The following VWA5A variants were observed in gnomAD, a reference collection of about 807,000 sequenced individuals.
VWA5A encodes von Willebrand factor A domain containing 5A.
In VWA5A, 77 loss-of-function variants were observed where a neutral mutation model predicts 84.6. The observed-to-expected ratio is 0.91, with a 90% CI of 0.76 to 1.10. VWA5A has a LOEUF of 1.10. Among genes scored for constraint, VWA5A ranks in the 50% least tolerant of loss-of-function variants. The pLI is 0.00. For missense variants in VWA5A, 973 were observed against 963.0 expected (o/e 1.01, Z -0.14); for synonymous variants, 334 against 350.1 (o/e 0.95, Z 0.51).
At chr11:124,119,114 C>A in intron 7 of VWA5A, 25 bp downstream of exon 7, 1 of 1,593,954 alleles carries the variant, frequency 6.3e-7, no homozygotes, top group Non-Finnish European at 8.6e-7. Flanking sequence ...CCTTTGTAGT[C>A]ATCCCCTAAG....
At chr11:124,142,352 G>T in intron 16 of VWA5A, 90 bp from the exon 17 acceptor site, 1 of 1,521,468 alleles carries the variant, frequency 6.6e-7, no homozygotes, top group Non-Finnish European at 8.9e-7. Context: ...GCTATGGCCT[G>T]TCTCTGAATT....
rs1860627493 is a variant in VWA5A at position 124,137,274 on chromosome 11, G to T, written c.1879+6G>T. ...GAAGATAAAATGCCAATCAGGTAAT[G>T]AGTTTTATTCCATTCAAACTCATAT... On this transcript the variant is annotated splice_donor_region_variant and intron_variant, in intron 15 of 18. Transcript: ENST00000456829. 3 of 1,613,768 alleles carry T rather than the reference G, an allele frequency of 1.9e-6. No homozygotes were observed. Among genetic ancestry groups the T allele is most frequent in the African/African-American group, 1.3e-5 (1 of 74,974 alleles).
chr11:124,136,476 T>G, intron 13 of VWA5A, 98 bp from the exon 14 acceptor site: 1 of 1,432,764 alleles, frequency 7.0e-7, no homozygotes, highest in Non-Finnish European at 9.7e-7. Context: ...ATCAGATATT[T>G]TCATACATTG....
intron 11 of VWA5A, among the ~76,000 whole-genome samples, chr11:124,134,014 A>T (rs1171742888): frequency 4.6e-5 from 7 of 152,194 alleles, no homozygotes; most frequent in Non-Finnish European, 8.8e-5. Context: ...ACACCCAGCC[A>T]ATATTGTTTA....
intron 10 of VWA5A, 113 bp downstream of exon 10, chr11:124,123,917 C>T (rs1864975942): frequency 7.3e-7 from 1 of 1,364,334 alleles, no homozygotes; most frequent in South Asian, 1.6e-5. Context: ...TCACAGTCTT[C>T]TATCATATAG....
rs544992962 is a variant in VWA5A, at chr11:124,136,173, T to C, written c.1404T>C (p.Asp468=). Residue 468 remains aspartate (D), a synonymous_variant, in exon 13 of 19, where the codon GAT becomes GAC. Transcript: ENST00000456829. ...GCTCTCTGCAGCCTGTGGTAGAGGA[T>C]GTCTCTCTGAGCTGGCATTTGCCTC... ...LKRSLQPVVE[D]VSLSWHLPPG... is the part of the protein sequence containing the mutation. 9 of 1,614,218 alleles carry C rather than the reference T, an allele frequency of 5.6e-6. No individual in the cohort carries two copies. In the African/African-American group the frequency reaches 1.1e-4, roughly 19 times the overall value.
In VWA5A at chr11:124,136,158, G is replaced by T; in HGVS notation, c.1389G>T (p.Gln463His). The T allele has an allele frequency of 6.2e-7, 1 of 1,614,154 alleles. No individual in the cohort carries two copies. The highest frequency in any genetic ancestry group is 1.1e-5 in the South Asian group (1 of 91,084). ...TCAGGACTCTGAAACGCTCTCTGCA[G>T]CCTGTGGTAGAGGATGTCTCTCTGA... ...KALRTLKRSL[Q>H]PVVEDVSLSW... The change falls in exon 13 of 19, where the codon CAG becomes CAT. Residue 463 changes from glutamine to histidine, a missense_variant. Transcript: ENST00000456829.
intron 11 of VWA5A, 113 bp downstream of exon 11, chr11:124,124,429 A>G: frequency 7.0e-7 from 1 of 1,430,746 alleles, no homozygotes; most frequent in Middle Eastern, 1.8e-4. Context: ...TGATTTCAGA[A>G]TTTAGTTTTA....
At chr11:124,124,427 G>A (rs1183706616) in intron 11 of VWA5A, 111 bp downstream of exon 11, 7 of 1,431,794 alleles carry the variant, frequency 4.9e-6, no homozygotes, top group Non-Finnish European at 6.4e-6. Flanking sequence ...AATGATTTCA[G>A]AATTTAGTTT....
At chr11:124,123,585 T>C in intron 9 of VWA5A, 75 bp from the exon 10 acceptor site, 1 of 1,611,054 alleles carries the variant, frequency 6.2e-7, no homozygotes, top group Non-Finnish European at 8.5e-7. Flanking sequence ...TTAATGGGGG[T>C]TTCTCAATTC....
intron 12 of VWA5A, 44 bp downstream of exon 12, chr11:124,135,078 G>C (rs749586114): frequency 1.3e-6 from 2 of 1,548,644 alleles, no homozygotes; most frequent in South Asian, 2.4e-5. Flanking sequence ...TGGCAATCCA[G>C]ACCAAAGTGG....
intron 10 of VWA5A, 72 bp from the exon 11 acceptor site, chr11:124,124,165 T>C: frequency 6.8e-7 from 1 of 1,478,678 alleles, no homozygotes; most frequent in Non-Finnish European, 9.3e-7. Context: ...AGGTGGATTT[T>C]TCAAGGGCAA....
At chr11:124,142,765 T>C (rs1388682064) in intron 17 of VWA5A, among the ~76,000 whole-genome samples, 193 bp downstream of exon 17, 1 of 152,162 alleles carries the variant, frequency 6.6e-6, no homozygotes, top group African/African-American at 2.4e-5. Flanking sequence ...ATGGGGAAGC[T>C]AGTAGGAATT....
intron 12 of VWA5A, among the ~76,000 whole-genome samples, chr11:124,135,522 CT>C (rs60188800): frequency 5.0e-4 from 42 of 84,340 alleles, no homozygotes; most frequent in East Asian, 1.0e-3. Context: ...GGTGGTATTT[CT>C]TTTTTTTTTT....
chr11:124,123,941 A>G (rs1012458064), intron 10 of VWA5A, 137 bp downstream of exon 10: 5 of 1,275,430 alleles, frequency 3.9e-6, no homozygotes, highest in Non-Finnish European at 2.1e-6. Flanking sequence ...ACAGAAAAAA[A>G]AAAGATGATG....
chr11:124,123,896 T>C lies in VWA5A; in HGVS notation c.1164+92T>C, dbSNP rs763953873. 1,497 of 1,455,324 alleles carry C rather than the reference T, an allele frequency of 1.0e-3. 21 individuals carry two copies. The highest frequency in any genetic ancestry group is 3.1e-4 in the Admixed American group (11 of 35,588). 90.2% of individuals were successfully genotyped at this position (1,455,324 alleles called of 1,614,324 possible). A position where few individuals can be genotyped will look rare whatever the true frequency, so the allele number is the denominator to read the frequency against. ...GAGCTTCATGCAGTATGTTGAAATA[T>C]AGTTTGCAATTCACAGTCTTCTATC... On this transcript the variant is annotated intron_variant, in intron 10 of 18. Coordinates refer to ENST00000456829, the MANE Select transcript of VWA5A (RefSeq NM_001130142.2).
Position 124,137,192 on chromosome 11 carries a change from G to C in VWA5A, c.1803G>C (p.Gly601=), listed in dbSNP as rs1464370648. 1 of 1,614,106 alleles carries C rather than the reference G, an allele frequency of 6.2e-7. No homozygotes were observed. Among genetic ancestry groups the C allele is most frequent in the South Asian group, 1.1e-5 (1 of 91,070 alleles). The change falls in exon 15 of 19, where the codon GGG becomes GGC. Residue 601 remains glycine (G), a synonymous_variant. Transcript: ENST00000456829. The part of the protein sequence containing the change: ...INKELNKPVQ[G]PLAHRDVPRP... ...AGGAGCTCAACAAGCCGGTTCAGGG[G>C]CCTCTGGCTCATAGGGACGTCCCAA... is the stretch of plus-strand genomic sequence containing the variant.
intron 17 of VWA5A, among the ~76,000 whole-genome samples, chr11:124,144,748 T>G (rs911191707): frequency 6.6e-6 from 1 of 152,254 alleles, no homozygotes; most frequent in Admixed American, 6.5e-5. Flanking sequence ...GTCAGAATAT[T>G]TGGCCTTTAG....
chr11:124,124,385 A>G, intron 11 of VWA5A, 69 bp downstream of exon 11: 1 of 1,560,092 alleles, frequency 6.4e-7, no homozygotes, highest in Non-Finnish European at 8.6e-7. Flanking sequence ...GTGCTACATG[A>G]TGCCGGTGTT....
Sources: gnomAD v4.1 joint callset for allele counts (sites outside exome capture counted in the v4.1 genomes callset) on GRCh38, gnomAD v4.1.1 for gene constraint, MANE v1.5 for transcripts, NCBI Gene and HGNC (gene_info 2026-07-23, HGNC 2026-07-21) for gene names.